Variants in CFAP43 observed in about 807,000 individuals in gnomAD.
The protein encoded by CFAP43 is cilia and flagella associated protein 43, also known as cilia- and flagella-associated protein 43.
CFAP43 carries 155 observed loss-of-function variants against 218.9 expected under a neutral mutation model. The observed-to-expected ratio is 0.71, with a 90% CI of 0.62 to 0.81. The LOEUF is 0.81. Among genes scored for constraint, CFAP43 ranks in the 30% least tolerant of loss-of-function variants. CFAP43 has a pLI of 0.00. For missense variants in CFAP43, 1,778 were observed against 1,954.3 expected (o/e 0.91, Z 1.70); for synonymous variants, 645 against 681.3 (o/e 0.95, Z 0.83).
intron 37 of CFAP43, among the ~76,000 whole-genome samples, chr10:104,131,045 A>AGAGGGAGGAGGCAGG: frequency 6.6e-6 from 1 of 150,614 alleles, no homozygotes; most frequent in East Asian, 1.9e-4. Flanking sequence ...GGGGACTACT[A>AGAGGGAGGAGGCAGG]GAGGGAGGAG....
At chr10:104,139,813 GA>G in intron 34 of CFAP43, among the ~76,000 whole-genome samples, 2 of 152,208 alleles carry the variant, frequency 1.3e-5, no homozygotes, top group Middle Eastern at 6.8e-3. Context: ...TTGAAATAGT[GA>G]AAATTAAGGT....
chr10:104,131,595 A>G (rs1589602132), intron 36 of CFAP43, 111 bp from the exon 37 acceptor site: 1 of 1,235,404 alleles, frequency 8.1e-7, no homozygotes, highest in East Asian at 2.6e-5. Flanking sequence ...TTAAGATAAC[A>G]TCTTACCGCC....
At chr10:104,188,205 C>CA in intron 13 of CFAP43, 65 bp downstream of exon 13, 2 of 1,566,262 alleles carry the variant, frequency 1.3e-6, no homozygotes, top group South Asian at 1.2e-5. Context: ...AAAACAAACC[C>CA]AAAAAACAAT....
intron 25 of CFAP43, 62 bp downstream of exon 25, chr10:104,162,255 T>G: frequency 6.7e-7 from 1 of 1,503,738 alleles, no homozygotes; most frequent in Admixed American, 1.7e-5. Flanking sequence ...TAAACCAAAC[T>G]AGGAAGCAGT....
At chr10:104,187,897 T>C (rs2090082835) in intron 13 of CFAP43, among the ~76,000 whole-genome samples, 1 of 152,252 alleles carries the variant, frequency 6.6e-6, no homozygotes, top group Non-Finnish European at 1.5e-5. Context: ...TATTTTCTCA[T>C]ACCTTTTTAT....
At chr10:104,209,796 C>G (rs2090798248) in intron 5 of CFAP43, among the ~76,000 whole-genome samples, 1 of 152,114 alleles carries the variant, frequency 6.6e-6, no homozygotes, top group Non-Finnish European at 1.5e-5. Flanking sequence ...CCCACTGTGG[C>G]TGAATGCAGT....
chr10:104,162,276 CAA>C lies in CFAP43; in HGVS notation c.3333+39_3333+40del, dbSNP rs749418532. The C allele has an allele frequency of 4.2e-5, 66 of 1,563,170 alleles. 1 individual carries two copies. The East Asian group carries it at 1.5e-3, about 35-fold the overall frequency. On this transcript the variant is annotated intron_variant, in intron 25 of 37. Coordinates refer to ENST00000357060, the MANE Select transcript of CFAP43 (RefSeq NM_025145.7). ...AAACTAGGAAGCAGTATCCCTAAAG[CAA>C]AGAGGGTCTTAGGACCTGTGTTAAG... is the stretch of plus-strand genomic sequence containing the variant.
chr10:104,225,379 T>G (rs921604895), intron 3 of CFAP43, 82 bp downstream of exon 3: 1 of 1,091,382 alleles, frequency 9.2e-7, no homozygotes, highest in Non-Finnish European at 1.3e-6. Context: ...ATTTTTCATG[T>G]CTATTTCCTT....
At chr10:104,142,196 A>G (rs2087738282) in intron 33 of CFAP43, 85 bp downstream of exon 33, 4 of 1,090,490 alleles carry the variant, frequency 3.7e-6, no homozygotes, top group Non-Finnish European at 5.4e-6. Context: ...AGCAGTCAGT[A>G]GGCATTCTCC....
At chr10:104,207,872 A>C in intron 5 of CFAP43, 48 bp from the exon 6 acceptor site, 1 of 1,558,994 alleles carries the variant, frequency 6.4e-7, no homozygotes, top group South Asian at 1.2e-5. Context: ...ATCACGGCTA[A>C]AAGCCTGAGA....
intron 2 of CFAP43, among the ~76,000 whole-genome samples, chr10:104,227,262 A>G (rs970633586): frequency 1.3e-5 from 2 of 152,314 alleles, no homozygotes; most frequent in African/African-American, 4.8e-5. Context: ...TTTTAAGCTC[A>G]TTTGCATGTA....
At position 104,179,939 on chromosome 10, in the gene CFAP43, C is replaced by T. The variant is rs1173175296; in HGVS notation, c.2290-7G>A. The T allele has an allele frequency of 1.2e-6, 2 of 1,608,418 alleles. No homozygotes were observed. The highest frequency in any genetic ancestry group is 1.7e-6 in the Non-Finnish European group (2 of 1,176,386). ...CAGTGCTTGCCTTCTGTTTCTGATACATGGTAGAAAAAGACAGACATGTCT... is the reference window on the plus strand; with the variant it reads ...CAGTGCTTGCCTTCTGTTTCTGATATATGGTAGAAAAAGACAGACATGTCT... On this transcript the variant is annotated splice_region_variant and splice_polypyrimidine_tract_variant and intron_variant, in intron 17 of 37. Coordinates refer to ENST00000357060, the MANE Select transcript of CFAP43 (RefSeq NM_025145.7).
chr10:104,130,164 G>A lies in CFAP43; in HGVS notation c.4973C>T (p.Thr1658Ile). ...QTEVERLRMK[T>I]FPALVQM ...TTACATTTGAACAAGAGCAGGAAATGTTTTCATTCTTAATCTTTCAACTTC... is the reference window on the plus strand; with the variant it reads ...TTACATTTGAACAAGAGCAGGAAATATTTTCATTCTTAATCTTTCAACTTC... The change falls in exon 38 of 38, where the codon ACA becomes ATA. Residue 1658 changes from threonine (T) to isoleucine (I), a missense_variant. By Grantham distance (89) the Thr-to-Ile change is moderately conservative. Coordinates refer to ENST00000357060, the MANE Select transcript of CFAP43 (RefSeq NM_025145.7). 1 of 1,602,984 alleles carries A rather than the reference G, an allele frequency of 6.2e-7. No individual in the cohort carries two copies. The highest frequency in any genetic ancestry group is 1.7e-4 in the Middle Eastern group (1 of 6,026).
intron 12 of CFAP43, among the ~76,000 whole-genome samples, chr10:104,189,893 C>T (rs59344868): frequency 0.14 from 21,150 of 151,926 alleles, 1,928 homozygotes; most frequent in African/African-American, 0.26. Flanking sequence ...AAAGGCCAGG[C>T]GTGGTGGCTC....
At chr10:104,171,510 TAATC>T (rs2089411795) in intron 20 of CFAP43, among the ~76,000 whole-genome samples, 1 of 152,228 alleles carries the variant, frequency 6.6e-6, no homozygotes, top group Admixed American at 6.5e-5. Flanking sequence ...ATCAGTCAAA[TAATC>T]AACCTCCTCT....
At chr10:104,164,031 C>A (rs2089017392) in intron 24 of CFAP43, 63 bp downstream of exon 24, 1 of 1,560,200 alleles carries the variant, frequency 6.4e-7, no homozygotes, top group Non-Finnish European at 8.8e-7. Flanking sequence ...CCAAGTTGAA[C>A]AAATAGGAGC....
rs1291605267 is a variant in CFAP43, at chr10:104,232,217, G to A, written c.30C>T (p.Gly10=). ...AGGACGCGCCGCCGGCGGAGTGGGG[G>A]CCTTCGTCGCGCTCCCGGCCTTGCG... is the stretch of plus-strand genomic sequence containing the variant. The part of the protein sequence containing the change: MAQGRERDE[G]PHSAGGASLS... Residue 10 remains glycine, a synonymous_variant, in exon 1 of 38, where the codon GGC becomes GGT. Coordinates refer to ENST00000357060, the MANE Select transcript of CFAP43 (RefSeq NM_025145.7). 1 of 1,609,062 alleles carries A rather than the reference G, an allele frequency of 6.2e-7. No homozygotes were observed. Among genetic ancestry groups the A allele is most frequent in the Admixed American group, 1.7e-5 (1 of 59,618 alleles).
chr10:104,225,206 C>T (rs1387962744), intron 3 of CFAP43, among the ~76,000 whole-genome samples: 1 of 152,036 alleles, frequency 6.6e-6, no homozygotes, highest in Non-Finnish European at 1.5e-5. Context: ...TAAATATATT[C>T]TCTATCTGAG....
In CFAP43 at chr10:104,167,633, T is replaced by G; in HGVS notation, c.2796A>C (p.Ala932=). 1 of 1,608,232 alleles carries G rather than the reference T, an allele frequency of 6.2e-7. No homozygotes were observed. The highest frequency in any genetic ancestry group is 1.1e-5 in the South Asian group (1 of 89,816). ...ERVLQQKKIE[A]ECLKLRKEIV... is the part of the protein sequence containing the mutation. ...TTTAAAATAGTACTTTAAGACACTC[T>G]GCTTCAATCTTCTTTTGCTGTAAAA... is the stretch of plus-strand genomic sequence containing the variant. The change falls in exon 22 of 38, where the codon GCA becomes GCC. Residue 932 remains alanine (A), a synonymous_variant. Coordinates refer to ENST00000357060, the MANE Select transcript of CFAP43 (RefSeq NM_025145.7).
Sources: gnomAD v4.1 joint callset for allele counts (sites outside exome capture counted in the v4.1 genomes callset) on GRCh38, gnomAD v4.1.1 for gene constraint, MANE v1.5 for transcripts, NCBI Gene and HGNC (gene_info 2026-07-23, HGNC 2026-07-21) for gene names.